The following FGF14 variants were observed in gnomAD, a reference collection of about 807,000 sequenced individuals.
FGF14 encodes fibroblast growth factor homologous factor 4.
A neutral mutation model predicts 25.5 loss-of-function variants in FGF14; 5 were observed. The ratio of observed to expected loss-of-function variants is 0.20; its 90% CI spans 0.10 to 0.41. The LOEUF (loss-of-function observed/expected upper bound fraction) is 0.41, where lower values mean the gene tolerates loss of function less well. Ranked by LOEUF, FGF14 falls within the 10% of genes least tolerant of loss-of-function variation. FGF14 has a pLI of 1.00. For missense variants in FGF14, 222 were observed against 320.1 expected (o/e 0.69, Z 2.34); for synonymous variants, 138 against 118.3 (o/e 1.17, Z -1.08).
At chr13:101,832,729 T>C (rs1440231744) in intron 3 of FGF14, among the ~76,000 whole-genome samples, 1 of 151,966 alleles carries the variant, frequency 6.6e-6, no homozygotes, top group Non-Finnish European at 1.5e-5. Context: ...GATAATGATA[T>C]TGAAGAGTGA....
At chr13:102,308,223 G>A (rs1039258031) in intron 1 of FGF14, among the ~76,000 whole-genome samples, 5 of 152,114 alleles carry the variant, frequency 3.3e-5, no homozygotes, top group East Asian at 1.9e-4. Flanking sequence ...GGCAGAGGGT[G>A]GGCTGCACAT....
At chr13:101,837,752 G>A (rs978659291) in intron 3 of FGF14, among the ~76,000 whole-genome samples, 25 of 152,130 alleles carry the variant, frequency 1.6e-4, no homozygotes, top group African/African-American at 5.3e-4. Context: ...TATTCTGATT[G>A]TCCTTGCGAT....
At chr13:102,242,453 G>C (rs1226013534) in intron 1 of FGF14, among the ~76,000 whole-genome samples, 1 of 152,074 alleles carries the variant, frequency 6.6e-6, no homozygotes, top group Non-Finnish European at 1.5e-5. Context: ...ATCTGGCAAG[G>C]GCTTTCTTGC....
chr13:102,331,302 CAT>C (rs375804167), intron 1 of FGF14, among the ~76,000 whole-genome samples: 189 of 152,252 alleles, frequency 1.2e-3, no homozygotes, highest in African/African-American at 4.3e-3. Flanking sequence ...CCCCTAAAGA[CAT>C]AGTTTCAGCT....
intron 1 of FGF14, among the ~76,000 whole-genome samples, chr13:102,241,017 G>T (rs556468186): frequency 1.3e-5 from 2 of 152,124 alleles, no homozygotes; most frequent in East Asian, 1.9e-4. Flanking sequence ...AGGGTGGGGG[G>T]AATATGCAAA....
chr13:102,281,809 T>C (rs2053848931), intron 1 of FGF14, among the ~76,000 whole-genome samples: 1 of 151,638 alleles, frequency 6.6e-6, no homozygotes, highest in Non-Finnish European at 1.5e-5. Context: ...TCCAAAAGCA[T>C]ACACTACATG....
At chr13:102,149,894 G>C (rs2047008911) in intron 1 of FGF14, among the ~76,000 whole-genome samples, 1 of 152,156 alleles carries the variant, frequency 6.6e-6, no homozygotes, top group African/African-American at 2.4e-5. Context: ...ACAGGCCCCT[G>C]TTCTAAAGCC....
chr13:101,806,770 A>T (rs1200056471), intron 3 of FGF14, among the ~76,000 whole-genome samples: 1 of 152,114 alleles, frequency 6.6e-6, no homozygotes, highest in Non-Finnish European at 1.5e-5. Flanking sequence ...CATTAACAGT[A>T]TTATTAATAG....
Position 102,019,707 on chromosome 13 carries a change from A to G in FGF14, c.209-144411T>C, listed in dbSNP as rs553173558. Among the ~76,000 whole-genome samples the G allele has an allele frequency of 5.3e-5, 8 of 152,302 alleles. No individual in the cohort carries two copies. The South Asian group carries it at 1.7e-3, about 32-fold the overall frequency. ...TTTGGCAAGTGCTGAATCCTGAGAC[A>G]TCTGTAATTAAATTCTCTTCATGTT... On this transcript the variant is annotated intron_variant, in intron 1 of 4. Transcript: ENST00000376131.
At chr13:102,243,201 T>C (rs955130394) in intron 1 of FGF14, among the ~76,000 whole-genome samples, 1 of 152,242 alleles carries the variant, frequency 6.6e-6, no homozygotes, top group East Asian at 1.9e-4. Flanking sequence ...TCAGAATAAA[T>C]TGGTTGAACT....
chr13:102,107,848 ACT>A (rs1239345338), intron 1 of FGF14, among the ~76,000 whole-genome samples: 3 of 151,968 alleles, frequency 2.0e-5, no homozygotes. Context: ...ATATGGCTTG[ACT>A]CTATCATAGG....
At chr13:101,851,954 G>A (rs993310612) in intron 3 of FGF14, among the ~76,000 whole-genome samples, 10 of 152,110 alleles carry the variant, frequency 6.6e-5, no homozygotes, top group East Asian at 3.9e-4. Flanking sequence ...CACACAGCTT[G>A]TAGGTGGTGG....
At chr13:101,741,381 A>C (rs2139782535) in intron 3 of FGF14, among the ~76,000 whole-genome samples, 1 of 152,292 alleles carries the variant, frequency 6.6e-6, no homozygotes, top group Non-Finnish European at 1.5e-5. Context: ...GCAGTACTAT[A>C]GTAGGAGACT....
chr13:101,816,269 C>CAAAAAAAAAAAAAAAAAAAAAAAAAAA (rs58615099), intron 3 of FGF14, among the ~76,000 whole-genome samples: 28 of 88,974 alleles, frequency 3.1e-4, no homozygotes, highest in East Asian at 1.8e-3. Context: ...GACTCCGTCT[C>CAAAAAAAAAAAAAAAAAAAAAAAAAAA]AAAAAAAAAA....
chr13:102,190,142 A>G (rs912503380), intron 1 of FGF14, among the ~76,000 whole-genome samples: 1 of 152,132 alleles, frequency 6.6e-6, no homozygotes, highest in Non-Finnish European at 1.5e-5. Context: ...CAAACAAAAA[A>G]CAGAAAAAAA....
intron 1 of FGF14, among the ~76,000 whole-genome samples, chr13:102,223,232 ACT>A (rs2050694800): frequency 1.3e-5 from 2 of 152,096 alleles, no homozygotes; most frequent in African/African-American, 4.8e-5. Context: ...ATGGCTGGTG[ACT>A]CTGAAGCAAC....
chr13:101,971,994 G>A (rs2037625525), intron 1 of FGF14, among the ~76,000 whole-genome samples: 1 of 152,206 alleles, frequency 6.6e-6, no homozygotes, highest in Non-Finnish European at 1.5e-5. Flanking sequence ...GAACACAAGT[G>A]GGCGGAGACA....
At chr13:102,027,319 A>ATTATATAT (rs1184093546) in intron 1 of FGF14, among the ~76,000 whole-genome samples, 3 of 151,300 alleles carry the variant, frequency 2.0e-5, no homozygotes, top group Non-Finnish European at 4.4e-5. Flanking sequence ...TATATATTAT[A>ATTATATAT]ATTATTATAA....
In FGF14 at chr13:102,390,395, A is replaced by G. The variant is rs2058405306; in HGVS notation, c.208+11076T>C. Among the ~76,000 whole-genome samples the G allele has an allele frequency of 3.3e-5, 5 of 152,240 alleles. No homozygotes were observed. In the South Asian group the frequency reaches 1.0e-3, roughly 32 times the overall value. On this transcript the variant is annotated intron_variant, in intron 1 of 4. Transcript: ENST00000376131. ...TTCTAGATAGCTAAACAGTGAATAT[A>G]TCACAGTCCCTTTTAGTTTCAGGAC... is the stretch of plus-strand genomic sequence containing the variant.
Sources: gnomAD v4.1 joint callset for allele counts (sites outside exome capture counted in the v4.1 genomes callset) on GRCh38, gnomAD v4.1.1 for gene constraint, MANE v1.5 for transcripts, NCBI Gene and HGNC (gene_info 2026-07-23, HGNC 2026-07-21) for gene names.